Variants in CAPN13 observed in about 807,000 individuals in gnomAD.
CAPN13 encodes the protein calpain-13.
Under a neutral mutation model 98.4 loss-of-function variants are expected in CAPN13, and 90 were observed. The observed-to-expected ratio is 0.92, with a 90% CI of 0.77 to 1.09. CAPN13 has a LOEUF of 1.09. CAPN13 is among the 50% of genes least tolerant of loss of function. The pLI, the probability that CAPN13 is intolerant of heterozygous loss-of-function variation, is 0.00. For missense variants in CAPN13, 887 were observed against 841.3 expected (o/e 1.05, Z -0.67); for synonymous variants, 330 against 305.5 (o/e 1.08, Z -0.84).
chr2:30,762,230 T>A (rs1206010913), intron 7 of CAPN13, among the ~76,000 whole-genome samples: 4 of 152,218 alleles, frequency 2.6e-5, no homozygotes, highest in Non-Finnish European at 5.9e-5. Flanking sequence ...TCTTCCTTTA[T>A]GAACGGAGAA....
At chr2:30,739,849 C>T (rs1322485679) in intron 15 of CAPN13, among the ~76,000 whole-genome samples, 1 of 152,140 alleles carries the variant, frequency 6.6e-6, no homozygotes, top group Non-Finnish European at 1.5e-5. Context: ...ATGTTTGCCT[C>T]AACCACCACA....
At position 30,778,372 on chromosome 2, in the gene CAPN13, G is replaced by C. The variant is rs181607136; in HGVS notation, c.199-733C>G. Among the ~76,000 whole-genome samples the C allele has an allele frequency of 2.2e-3, 330 of 152,322 alleles. 3 individuals are homozygous for C. Among genetic ancestry groups the C allele is most frequent in the African/African-American group, 7.6e-3 (315 of 41,580 alleles). ...CACCAAAATTGTGAGAGTTCCTAAA[G>C]GGGATCCCCAGGCACTTTGGGAGAA... On this transcript the variant is annotated intron_variant, in intron 2 of 22. Coordinates refer to ENST00000295055, the MANE Select transcript of CAPN13 (RefSeq NM_144575.3).
rs1006686372 is a variant in CAPN13 at position 30,792,439 on chromosome 2, C to T, written c.-32-5082G>A. On this transcript the variant is annotated intron_variant, in intron 1 of 22. Coordinates refer to ENST00000295055, the MANE Select transcript of CAPN13 (RefSeq NM_144575.3). ...GAGAATACTATGAACCACCCAATGC[C>T]AACAAATCTGCTAAGTTACATACAA... Among the ~76,000 whole-genome samples the T allele has an allele frequency of 4.6e-5, 7 of 152,020 alleles. No individual in the cohort carries two copies. In the East Asian group the frequency reaches 1.2e-3, roughly 25 times the overall value.
intron 19 of CAPN13, 98 bp downstream of exon 19, chr2:30,734,351 A>G: frequency 1.1e-6 from 1 of 898,464 alleles, no homozygotes. Context: ...CTCTCTCCTG[A>G]TTGCCTGGCA....
Position 30,800,153 on chromosome 2 carries a change from A to AAAGAAAGAAAGAAAGAAAGT in CAPN13, c.-33+7148_-33+7149insACTTTCTTTCTTTCTTTCTT, listed in dbSNP as rs1558351737. Among the ~76,000 whole-genome samples, 9 of 149,302 alleles carry AAAGAAAGAAAGAAAGAAAGT rather than the reference A, an allele frequency of 6.0e-5. 1 individual carries two copies. The highest frequency in any genetic ancestry group is 2.0e-4 in the African/African-American group (8 of 39,838). ...GAAAGAAAGAAAGAAAGAAAGAAAGAAAGAAAGAAAGAAAGAAAGAAAGAA... is the reference window on the plus strand; with the variant it reads ...GAAAGAAAGAAAGAAAGAAAGAAAGAAAGAAAGAAAGAAAGAAAGTAAGAAAGAAAGAAAGAAAGAAAGAA... On this transcript the variant is annotated intron_variant, in intron 1 of 22. Coordinates refer to ENST00000295055, the MANE Select transcript of CAPN13 (RefSeq NM_144575.3).
intron 11 of CAPN13, among the ~76,000 whole-genome samples, chr2:30,750,813 C>T (rs1035854366): frequency 4.6e-5 from 7 of 152,186 alleles, no homozygotes; most frequent in African/African-American, 1.7e-4. Flanking sequence ...GGTCTTGGCC[C>T]AGACCACTTT....
At chr2:30,762,921 A>T (rs1297150606) in intron 7 of CAPN13, among the ~76,000 whole-genome samples, 161 bp downstream of exon 7, 1 of 152,154 alleles carries the variant, frequency 6.6e-6, no homozygotes, top group Non-Finnish European at 1.5e-5. Context: ...GAACAGAAGG[A>T]GCTGAGGCTG....
At chr2:30,794,122 C>T (rs562224278) in intron 1 of CAPN13, among the ~76,000 whole-genome samples, 1 of 151,414 alleles carries the variant, frequency 6.6e-6, no homozygotes, top group East Asian at 1.9e-4. Flanking sequence ...ATGCAAATTT[C>T]AGACTACGTG....
intron 22 of CAPN13, among the ~76,000 whole-genome samples, chr2:30,727,612 T>TCACTTCA (rs1670902917): frequency 6.6e-6 from 1 of 152,136 alleles, no homozygotes. Context: ...CAGTGAGATA[T>TCACTTCA]CACTTCACAC....
rs1490954511 is a variant in CAPN13 at position 30,741,949 on chromosome 2, G to A, written c.1495C>T (p.His499Tyr). ...TTGAAAATGCTTTGTTGGGAGCCAT[G>A]TTCTGAAGGGCTTCCCTGGATCAAA... ...NLRMKGSPSE[H>Y]GSQQSIFNRY... is the part of the protein sequence containing the mutation. The change falls in exon 15 of 23, where the codon CAT becomes TAT. Residue 499 changes from histidine (H) to tyrosine (Y), a missense_variant. Physicochemically the swap from His to Tyr is moderately conservative, Grantham distance 83 (BLOSUM62 2). Coordinates refer to ENST00000295055, the MANE Select transcript of CAPN13 (RefSeq NM_144575.3). The A allele has an allele frequency of 6.2e-7, 1 of 1,613,832 alleles. No homozygotes were observed. Among genetic ancestry groups the A allele is most frequent in the African/African-American group, 1.3e-5 (1 of 74,940 alleles).
At chr2:30,784,973 TAC>T (rs1674191209) in intron 2 of CAPN13, among the ~76,000 whole-genome samples, 1 of 152,218 alleles carries the variant, frequency 6.6e-6, no homozygotes, top group South Asian at 2.1e-4. Flanking sequence ...GTCACAGCTG[TAC>T]ACTGTGGGTC....
chr2:30,740,639 T>G (rs559238720), intron 15 of CAPN13, among the ~76,000 whole-genome samples: 1 of 152,366 alleles, frequency 6.6e-6, no homozygotes, highest in South Asian at 2.1e-4. Flanking sequence ...AATGCCACAC[T>G]GGGGTCTTAT....
At chr2:30,755,384 T>A (rs901905600) in intron 8 of CAPN13, among the ~76,000 whole-genome samples, 1 of 152,190 alleles carries the variant, frequency 6.6e-6, no homozygotes, top group Non-Finnish European at 1.5e-5. Context: ...TGGCTGGCCA[T>A]CCTATCATCA....
Position 30,754,377 on chromosome 2 carries a change from A to C in CAPN13, c.867-13T>G. On this transcript the variant is annotated splice_polypyrimidine_tract_variant and intron_variant, in intron 8 of 22. Coordinates refer to ENST00000295055, the MANE Select transcript of CAPN13 (RefSeq NM_144575.3). The stretch of plus-strand genomic sequence containing the variant: ...CCACTCCTGAGACCTGAGCATGGAC[A>C]CACAAACCACAGGGTGAGATTTTCC... 1 of 1,590,422 alleles carries C rather than the reference A, an allele frequency of 6.3e-7. No individual in the cohort carries two copies. Among genetic ancestry groups the C allele is most frequent in the Non-Finnish European group, 8.5e-7 (1 of 1,170,292 alleles).
chr2:30,738,550 A>T, intron 15 of CAPN13, 93 bp from the exon 16 acceptor site: 3 of 1,331,132 alleles, frequency 2.3e-6, no homozygotes, highest in Non-Finnish European at 2.1e-6. Context: ...CAGATTTCCA[A>T]GCACTTAGTC....
intron 10 of CAPN13, among the ~76,000 whole-genome samples, chr2:30,751,693 AAG>A (rs1456084365): frequency 4.6e-5 from 7 of 152,204 alleles, no homozygotes; most frequent in Non-Finnish European, 1.0e-4. Context: ...AAGCCAGAAT[AAG>A]AGAGAGCGAG....
At chr2:30,799,349 C>T (rs1675051064) in intron 1 of CAPN13, among the ~76,000 whole-genome samples, 1 of 152,212 alleles carries the variant, frequency 6.6e-6, no homozygotes, top group South Asian at 2.1e-4. Context: ...TGGAACTTAA[C>T]CGCCAGACCA....
At chr2:30,729,319 T>C (rs147033897) in intron 22 of CAPN13, among the ~76,000 whole-genome samples, 1 of 152,274 alleles carries the variant, frequency 6.6e-6, no homozygotes, top group Non-Finnish European at 1.5e-5. Context: ...TGAAAGAAAC[T>C]GAAGTAAACA....
Position 30,743,377 on chromosome 2 carries a change from C to G in CAPN13, c.1445+6G>C, listed in dbSNP as rs770434025. On this transcript the variant is annotated splice_donor_region_variant and intron_variant, in intron 13 of 22. Coordinates refer to ENST00000295055, the MANE Select transcript of CAPN13 (RefSeq NM_144575.3). ...AAAACATTTACAATCCCAGAGGGTT[C>G]TGTACCTGTCACTGTCTGGCATTTT... 2.5e-6 allele frequency: 4 copies of G among 1,609,380 alleles called. No individual in the cohort carries two copies. The highest frequency in any genetic ancestry group is 2.6e-6 in the Non-Finnish European group (3 of 1,175,678).
Sources: allele counts gnomAD v4.1 joint callset (sites outside exome capture counted in the v4.1 genomes callset), GRCh38; gene constraint gnomAD v4.1.1; transcripts MANE v1.5; gene names NCBI Gene and HGNC (gene_info 2026-07-23, HGNC 2026-07-21).